PRKAG2: variants seen among roughly 807,000 people sequenced by gnomAD.
The protein encoded by PRKAG2 is protein kinase AMP-activated non-catalytic subunit gamma 2, also known as 5'-AMP-activated protein kinase subunit gamma-2.
A neutral mutation model predicts 69.6 loss-of-function variants in PRKAG2; 26 were observed. That is an observed-to-expected ratio of 0.37 (90% CI 0.27 to 0.52). PRKAG2 has a LOEUF of 0.52. Among genes scored for constraint, PRKAG2 ranks in the 20% least tolerant of loss-of-function variants. The pLI is 0.90. For missense variants in PRKAG2, 557 were observed against 740.0 expected (o/e 0.75, Z 2.87); for synonymous variants, 293 against 285.0 (o/e 1.03, Z -0.28).
intron 5 of PRKAG2, among the ~76,000 whole-genome samples, chr7:151,620,015 C>T (rs947678791): frequency 3.3e-5 from 5 of 151,566 alleles, no homozygotes; most frequent in African/African-American, 9.7e-5. Context: ...AGCGAGACTC[C>T]GTCTCAAAAA....
intron 1 of PRKAG2, among the ~76,000 whole-genome samples, chr7:151,792,029 T>A (rs2077292074): frequency 6.6e-6 from 1 of 152,238 alleles, no homozygotes; most frequent in Admixed American, 6.5e-5. Context: ...CAGGTCCACC[T>A]GCTCCTAGCT....
At chr7:151,573,723 A>G (rs2151029359) in intron 8 of PRKAG2, among the ~76,000 whole-genome samples, 1 of 152,300 alleles carries the variant, frequency 6.6e-6, no homozygotes, top group Non-Finnish European at 1.5e-5. Context: ...AATACACTTC[A>G]TGGGAAATAA....
chr7:151,590,521 C>A (rs776209529), intron 6 of PRKAG2, among the ~76,000 whole-genome samples: 1 of 152,166 alleles, frequency 6.6e-6, no homozygotes, highest in Non-Finnish European at 1.5e-5. Context: ...GGAGTTCCTC[C>A]GAGCCTCCCA....
In PRKAG2 at chr7:151,696,454, G is replaced by A. The variant is rs112889785; in HGVS notation, c.467-20817C>T. Reference sequence around the variant, plus strand: ...GCCTGGGGCAGGTGAGGAAGTGAGCGCTTCTCAGGAGCAGAGCCAGGTCGT... The same window carrying A: ...GCCTGGGGCAGGTGAGGAAGTGAGCACTTCTCAGGAGCAGAGCCAGGTCGT... On this transcript the variant is annotated intron_variant, in intron 3 of 15. Coordinates refer to ENST00000287878, the MANE Select transcript of PRKAG2 (RefSeq NM_016203.4). 4.0e-3 allele frequency among the ~76,000 whole-genome samples: 603 copies of A among 152,298 alleles called. 3 individuals are homozygous for A. Among genetic ancestry groups the A allele is most frequent in the African/African-American group, 0.013 (542 of 41,574 alleles).
chr7:151,667,462 A>G (rs1375219233), intron 4 of PRKAG2, among the ~76,000 whole-genome samples: 3 of 152,190 alleles, frequency 2.0e-5, no homozygotes, highest in Non-Finnish European at 4.4e-5. Flanking sequence ...CCAAGTGATA[A>G]GGTAGATTGT....
chr7:151,633,741 G>A (rs1310466123), intron 4 of PRKAG2, among the ~76,000 whole-genome samples: 1 of 152,170 alleles, frequency 6.6e-6, no homozygotes, highest in Non-Finnish European at 1.5e-5. Flanking sequence ...AACTGTAGAT[G>A]AAAGACGAGC....
chr7:151,773,536 G>C (rs1378518085), intron 3 of PRKAG2, among the ~76,000 whole-genome samples: 1 of 152,176 alleles, frequency 6.6e-6, no homozygotes, highest in Non-Finnish European at 1.5e-5. Context: ...AAATAGAAGA[G>C]TTGCTATGAA....
intron 1 of PRKAG2, chr7:151,809,833 G>C (rs1443200873): frequency 6.6e-6 from 1 of 152,600 alleles, no homozygotes; most frequent in Non-Finnish European, 1.5e-5. Flanking sequence ...AAAGTGTCCT[G>C]CACATTTCCC....
chr7:151,710,870 T>C (rs1585965556), intron 3 of PRKAG2, among the ~76,000 whole-genome samples: 1 of 152,280 alleles, frequency 6.6e-6, no homozygotes. Context: ...AGAGCACTCA[T>C]AGTGGTAGGC....
At position 151,567,274 on chromosome 7, in the gene PRKAG2, T is replaced by C. The variant is rs1806482815; in HGVS notation, c.1234-1389A>G. Among the ~76,000 whole-genome samples the C allele has an allele frequency of 6.6e-6, 1 of 152,212 alleles. No homozygotes were observed. The highest frequency in any genetic ancestry group is 2.4e-5 in the African/African-American group (1 of 41,448). On this transcript the variant is annotated intron_variant, in intron 11 of 15. Transcript: ENST00000287878. The surrounding 1 kb of genome is among the most constrained non-coding windows in gnomAD (Gnocchi z 4.2). ...AGGAACGCTTGAAAGGGATCCTGGCTCTACCGCTTCCCAGCCACGCAACCT... is the reference window on the plus strand; with the variant it reads ...AGGAACGCTTGAAAGGGATCCTGGCCCTACCGCTTCCCAGCCACGCAACCT...
chr7:151,616,031 G>A (rs138571642), intron 5 of PRKAG2, among the ~76,000 whole-genome samples: 2 of 152,196 alleles, frequency 1.3e-5, no homozygotes, highest in East Asian at 1.9e-4. Flanking sequence ...TGTAGTTGTG[G>A]GGCCCTGACT....
rs903623831 is a variant in PRKAG2, at chr7:151,814,765, T to C, written c.115-28224A>G. ...AGGCAACGGTCTTGGTGGCTGGAGC[T>C]GCTTTGCTGCTCAAAATGCAGGCAG... On this transcript the variant is annotated intron_variant, in intron 1 of 15. Coordinates refer to ENST00000287878, the MANE Select transcript of PRKAG2 (RefSeq NM_016203.4). This position sits in a 1 kb window ranked among gnomAD's most constrained non-coding sequence, Gnocchi z 4.8. 2.4e-6 allele frequency: 3 copies of C among 1,231,654 alleles called. No homozygotes were observed. The highest frequency in any genetic ancestry group is 3.0e-6 in the Non-Finnish European group (3 of 988,008). The allele number at this position is 1,231,654 out of a possible 1,614,324, so 76.3% of individuals were successfully genotyped here.
In PRKAG2 at chr7:151,650,078, G is replaced by A. The variant is rs75902931; in HGVS notation, c.685-17940C>T. ...GCAAAAATTAAAAAGAAAATTAGCC[G>A]GACACGGTGGCACGCGCCTATAGTC... On this transcript the variant is annotated intron_variant, in intron 4 of 15. Coordinates refer to ENST00000287878, the MANE Select transcript of PRKAG2 (RefSeq NM_016203.4). Among the ~76,000 whole-genome samples, 9 of 152,082 alleles carry A rather than the reference G, an allele frequency of 5.9e-5. No homozygotes were observed. In the East Asian group the frequency reaches 1.4e-3, roughly 23 times the overall value.
chr7:151,623,571 TA>T (rs1450441548), intron 5 of PRKAG2, among the ~76,000 whole-genome samples: 1 of 152,130 alleles, frequency 6.6e-6, no homozygotes, highest in Non-Finnish European at 1.5e-5. Flanking sequence ...GGTCTGTGGC[TA>T]GGGGGTTGGG....
intron 1 of PRKAG2, among the ~76,000 whole-genome samples, chr7:151,830,472 C>T (rs552418431): frequency 5.3e-5 from 8 of 151,952 alleles, no homozygotes; most frequent in Non-Finnish European, 8.8e-5. Context: ...ACCTGGCATC[C>T]GTCAGCATCT....
chr7:151,574,956 C>T lies in PRKAG2; in HGVS notation c.947-7G>A, dbSNP rs1554464198. 1 of 1,612,234 alleles carries T rather than the reference C, an allele frequency of 6.2e-7. No homozygotes were observed. Among genetic ancestry groups the T allele is most frequent in the African/African-American group, 1.3e-5 (1 of 74,956 alleles). On this transcript the variant is annotated splice_region_variant and splice_polypyrimidine_tract_variant and intron_variant, in intron 7 of 15. Coordinates refer to ENST00000287878, the MANE Select transcript of PRKAG2 (RefSeq NM_016203.4). ...TCTGTAATTGTTAGCATTCCTGGAACAAAGAATTACATGTTACAAATAAAA... is the reference window on the plus strand; with the variant it reads ...TCTGTAATTGTTAGCATTCCTGGAATAAAGAATTACATGTTACAAATAAAA...
intron 4 of PRKAG2, among the ~76,000 whole-genome samples, chr7:151,658,134 G>A (rs1829740442): frequency 6.7e-6 from 1 of 149,538 alleles, no homozygotes; most frequent in African/African-American, 2.5e-5. Context: ...CTCCAGCCTG[G>A]TGACAGAGCA....
At chr7:151,710,506 A>G (rs1245408237) in intron 3 of PRKAG2, among the ~76,000 whole-genome samples, 2 of 152,162 alleles carry the variant, frequency 1.3e-5, no homozygotes, top group African/African-American at 4.8e-5. Context: ...CATCACACTT[A>G]GAGGAAGACT....
chr7:151,875,085 A>G (rs1459477330), intron 1 of PRKAG2, among the ~76,000 whole-genome samples: 2 of 152,260 alleles, frequency 1.3e-5, no homozygotes, highest in Non-Finnish European at 2.9e-5. Context: ...ACATGGTTTT[A>G]AATGTCTTAC....
Sources: allele counts gnomAD v4.1 joint callset (sites outside exome capture counted in the v4.1 genomes callset), GRCh38; gene constraint gnomAD v4.1.1; non-coding constraint Gnocchi (gnomAD v3.1); transcripts MANE v1.5; gene names NCBI Gene and HGNC (gene_info 2026-07-23, HGNC 2026-07-21).